Variants in METTL16 observed in about 807,000 individuals in gnomAD.
METTL16 encodes methyltransferase 16, RNA N6-adenosine.
In METTL16, 19 loss-of-function variants were observed where a neutral mutation model predicts 57.9. The ratio of observed to expected loss-of-function variants is 0.33; its 90% CI spans 0.23 to 0.48. The LOEUF (loss-of-function observed/expected upper bound fraction) is 0.48, where lower values mean the gene tolerates loss of function less well. Ranked by LOEUF, METTL16 falls within the 20% of genes least tolerant of loss-of-function variation. The pLI is 0.99. For synonymous variants in METTL16, 246 were observed against 255.6 expected (o/e 0.96, Z 0.36); for missense variants, 434 against 691.5 (o/e 0.63, Z 4.18).
chr17:2,496,184 T>C (rs564509149), intron 2 of METTL16, among the ~76,000 whole-genome samples: 1 of 151,712 alleles, frequency 6.6e-6, no homozygotes, highest in South Asian at 2.1e-4. Flanking sequence ...AAATAGTATT[T>C]TTATCTAATT....
At chr17:2,436,109 G>A (rs1232439388) in intron 8 of METTL16, among the ~76,000 whole-genome samples, 1 of 152,116 alleles carries the variant, frequency 6.6e-6, no homozygotes, top group Admixed American at 6.6e-5. Flanking sequence ...GAAAACAGGT[G>A]CAGTTCCAGT....
At chr17:2,460,885 CAAAAA>C (rs1369970185) in intron 6 of METTL16, among the ~76,000 whole-genome samples, 1 of 57,798 alleles carries the variant, frequency 1.7e-5, no homozygotes, top group Non-Finnish European at 3.7e-5. Flanking sequence ...AACTCAGTCT[CAAAAA>C]AAAAAAAAAA....
chr17:2,445,322 A>T (rs897719953), intron 6 of METTL16, among the ~76,000 whole-genome samples: 2 of 152,186 alleles, frequency 1.3e-5, no homozygotes, highest in Non-Finnish European at 2.9e-5. Flanking sequence ...CTAGGTGTGT[A>T]GTAGGCTATA....
chr17:2,438,411 A>C (rs767796288), intron 7 of METTL16, among the ~76,000 whole-genome samples: 2 of 152,230 alleles, frequency 1.3e-5, no homozygotes, highest in Non-Finnish European at 2.9e-5. Flanking sequence ...ACATAAGAGA[A>C]TTTACAGATA....
intron 2 of METTL16, among the ~76,000 whole-genome samples, chr17:2,495,718 G>T (rs993734547): frequency 4.1e-5 from 6 of 147,484 alleles, no homozygotes; most frequent in African/African-American, 1.5e-4. Context: ...AAAAGAAAAA[G>T]ATTATTTCAA....
chr17:2,506,071 G>A (rs1445073791), intron 1 of METTL16, among the ~76,000 whole-genome samples: 4 of 151,664 alleles, frequency 2.6e-5, no homozygotes, highest in Admixed American at 6.6e-5. Context: ...GGGTTCAAGC[G>A]ATTCTCCTGC....
chr17:2,461,731 C>T (rs1256336855), intron 6 of METTL16, among the ~76,000 whole-genome samples: 1 of 152,012 alleles, frequency 6.6e-6, no homozygotes, highest in African/African-American at 2.4e-5. Context: ...CGCCTGCCAC[C>T]ACACCCAGCT....
intron 8 of METTL16, among the ~76,000 whole-genome samples, chr17:2,429,160 C>G (rs572946333): frequency 6.9e-6 from 1 of 143,950 alleles, no homozygotes; most frequent in South Asian, 2.2e-4. Context: ...GCCCAGCCAA[C>G]TCATTATTTT....
chr17:2,491,876 CAAAAAA>C (rs1171788438), intron 2 of METTL16, among the ~76,000 whole-genome samples: 1 of 53,636 alleles, frequency 1.9e-5, no homozygotes, highest in Non-Finnish European at 3.8e-5. Context: ...CACCGTCTCA[CAAAAAA>C]AAAAAAAAAA....
chr17:2,506,885 C>T (rs1423206404), intron 1 of METTL16, among the ~76,000 whole-genome samples: 2 of 150,644 alleles, frequency 1.3e-5, no homozygotes, highest in Non-Finnish European at 3.0e-5. Flanking sequence ...GTGGGGAGCG[C>T]CTCTGCCCTG....
chr17:2,433,854 C>T (rs559610575), intron 8 of METTL16, among the ~76,000 whole-genome samples: 59 of 152,284 alleles, frequency 3.9e-4, no homozygotes, highest in Non-Finnish European at 7.5e-4. Flanking sequence ...ACGCTGGCGA[C>T]TCCTCCTCCA....
At chr17:2,511,405 G>T (rs527386485) in intron 1 of METTL16, among the ~76,000 whole-genome samples, 1 of 151,764 alleles carries the variant, frequency 6.6e-6, no homozygotes, top group East Asian at 1.9e-4. Context: ...TTCTCTCTTC[G>T]CCTTCTCTCA....
At chr17:2,445,264 G>A (rs1037308341) in intron 6 of METTL16, among the ~76,000 whole-genome samples, 7 of 152,176 alleles carry the variant, frequency 4.6e-5, no homozygotes, top group Middle Eastern at 3.4e-3. Context: ...TGTACATGCC[G>A]TACAGGTTTG....
intron 4 of METTL16, among the ~76,000 whole-genome samples, chr17:2,472,939 C>T (rs2067244018): frequency 6.6e-6 from 1 of 151,894 alleles, no homozygotes; most frequent in Non-Finnish European, 1.5e-5. Context: ...CTTCATTATT[C>T]CAAAACTACA....
At chr17:2,433,347 G>A (rs1019442913) in intron 8 of METTL16, among the ~76,000 whole-genome samples, 6 of 152,206 alleles carry the variant, frequency 3.9e-5, no homozygotes, top group African/African-American at 1.4e-4. Context: ...GATCTGGGAG[G>A]CCCAAGGAGC....
rs2066743603 is a variant in METTL16 at position 2,419,462 on chromosome 17, A to AC, written c.*507dup. The AC allele has an allele frequency of 3.0e-6, 1 of 337,834 alleles. No individual in the cohort carries two copies. The highest frequency in any genetic ancestry group is 4.0e-5 in the Admixed American group (1 of 25,274). The allele number at this position is 337,834 out of a possible 1,614,324, so 20.9% of individuals were successfully genotyped here. On this transcript the variant is annotated 3_prime_UTR_variant, in exon 10 of 10. Coordinates refer to ENST00000263092, the MANE Select transcript of METTL16 (RefSeq NM_024086.4). ...AGGTTTCTCTCCCAGATTCCCCACC[A>AC]CCCACCATACAGCTCCCTTTGTGGG...
chr17:2,425,449 G>A (rs757220791), intron 8 of METTL16, among the ~76,000 whole-genome samples: 1 of 152,148 alleles, frequency 6.6e-6, no homozygotes, highest in Non-Finnish European at 1.5e-5. Context: ...ATGCACTGCT[G>A]GAATTACAAT....
At chr17:2,467,692 C>T in intron 5 of METTL16, 69 bp downstream of exon 5, 1 of 1,195,130 alleles carries the variant, frequency 8.4e-7, no homozygotes, top group Non-Finnish European at 1.2e-6. Context: ...TCCCAAAGTG[C>T]AGGGATTACA....
At chr17:2,446,679 G>C (rs1374781073) in intron 6 of METTL16, among the ~76,000 whole-genome samples, 1 of 151,016 alleles carries the variant, frequency 6.6e-6, no homozygotes, top group Non-Finnish European at 1.5e-5. Context: ...GGACGGTGCT[G>C]CTGCCATCTC....
Sources: allele counts gnomAD v4.1 joint callset (sites outside exome capture counted in the v4.1 genomes callset), GRCh38; gene constraint gnomAD v4.1.1; transcripts MANE v1.5; gene names NCBI Gene and HGNC (gene_info 2026-07-23, HGNC 2026-07-21).